TP73: variants seen among roughly 807,000 people sequenced by gnomAD.
TP73 encodes p53-like transcription factor.
Under a neutral mutation model 62.5 loss-of-function variants are expected in TP73, and 25 were observed. The observed-to-expected ratio is 0.40, with a 90% CI of 0.29 to 0.56. The LOEUF is 0.56. TP73 is among the 20% of genes least tolerant of loss of function. The pLI, the probability that TP73 is intolerant of heterozygous loss-of-function variation, is 0.46. For missense variants in TP73, 754 were observed against 913.3 expected, an observed-to-expected ratio of 0.83 and a Z score of 2.25; for synonymous variants, 423 against 377.5, an observed-to-expected ratio of 1.12 and a Z score of -1.40.
chr1:3,708,004 G>T, intron 4 of TP73: 1 of 729,872 alleles, frequency 1.4e-6, no homozygotes, highest in Non-Finnish European at 2.2e-6. Context: ...AGTGGCCAGA[G>T]CCAGTCAGCC....
At chr1:3,722,539 CA>C (rs1233342072) in intron 5 of TP73, among the ~76,000 whole-genome samples, 3 of 152,220 alleles carry the variant, frequency 2.0e-5, no homozygotes, top group Admixed American at 6.5e-5. Flanking sequence ...GCAGGAGAAT[CA>C]GGGGGCAGAG....
At chr1:3,683,202 T>G (rs753365526) in intron 3 of TP73, 22 bp downstream of exon 3, 2 of 1,591,886 alleles carry the variant, frequency 1.3e-6, no homozygotes, top group Non-Finnish European at 1.7e-6. Context: ...GGCTGCCCTC[T>G]GCAAGAGGAC....
intron 1 of TP73, among the ~76,000 whole-genome samples, chr1:3,668,148 G>A (rs1645161940): frequency 6.6e-6 from 1 of 152,216 alleles, no homozygotes; most frequent in African/African-American, 2.4e-5. Flanking sequence ...ATGAACTAGG[G>A]GTGGGGGAGG....
At position 3,663,595 on chromosome 1, in the gene TP73, A is replaced by G. The variant is rs1645044859; in HGVS notation, c.-34+10954A>G. Among the ~76,000 whole-genome samples the G allele has an allele frequency of 6.6e-6, 1 of 151,970 alleles. No individual in the cohort carries two copies. Among genetic ancestry groups the G allele is most frequent in the Non-Finnish European group, 1.5e-5 (1 of 67,980 alleles). On this transcript the variant is annotated intron_variant, in intron 1 of 13. Transcript: ENST00000378295. The surrounding 1 kb of genome is among the most constrained non-coding windows in gnomAD (Gnocchi z 4.7). Reference sequence around the variant, plus strand: ...GCCAGGCGTGGTGGCGGGCGCCTGTAGTCCCAGCTACTCGGGAGGCTGAGG... The same window carrying G: ...GCCAGGCGTGGTGGCGGGCGCCTGTGGTCCCAGCTACTCGGGAGGCTGAGG...
intron 12 of TP73, 125 bp downstream of exon 12, chr1:3,731,190 G>A (rs953002680): frequency 2.2e-6 from 3 of 1,345,474 alleles, no homozygotes; most frequent in Non-Finnish European, 3.0e-6. Context: ...GGATCAGACA[G>A]GCGGGCGGGG....
chr1:3,729,264 C>T (rs768619352), intron 9 of TP73, 63 bp from the exon 10 acceptor site: 62 of 1,602,032 alleles, frequency 3.9e-5, no homozygotes, highest in African/African-American at 1.5e-4. Context: ...CCTGAGGCTG[C>T]GGCCACCCCC....
chr1:3,653,709 G>C (rs2101986919), intron 1 of TP73, among the ~76,000 whole-genome samples: 1 of 152,332 alleles, frequency 6.6e-6, no homozygotes, highest in South Asian at 2.1e-4. Flanking sequence ...TTAGCTCTGG[G>C]GGAGGAGTAA....
chr1:3,667,071 G>T (rs1443033088), intron 1 of TP73, among the ~76,000 whole-genome samples: 1 of 152,202 alleles, frequency 6.6e-6, no homozygotes, highest in Non-Finnish European at 1.5e-5. Context: ...GGAGGCAGAG[G>T]TTGGAGGGAT....
intron 1 of TP73, among the ~76,000 whole-genome samples, chr1:3,664,253 G>A (rs1311316682): frequency 6.6e-6 from 1 of 152,214 alleles, no homozygotes; most frequent in Non-Finnish European, 1.5e-5. Flanking sequence ...CCCTACCAGA[G>A]GCGCTGCATT....
chr1:3,724,343 C>T (rs1398353226), intron 6 of TP73, among the ~76,000 whole-genome samples: 2 of 151,856 alleles, frequency 1.3e-5, no homozygotes, highest in Non-Finnish European at 1.5e-5. Flanking sequence ...CTGTACCCAG[C>T]CCCAGCCTCC....
chr1:3,665,511 T>C (rs1267628450), intron 1 of TP73, among the ~76,000 whole-genome samples: 2 of 152,198 alleles, frequency 1.3e-5, no homozygotes, highest in Non-Finnish European at 2.9e-5. Flanking sequence ...GAGTCTACTC[T>C]TGACGATGAA....
intron 3 of TP73, among the ~76,000 whole-genome samples, chr1:3,685,040 C>T (rs1056892880): frequency 4.6e-5 from 7 of 152,110 alleles, no homozygotes; most frequent in Non-Finnish European, 8.8e-5. Context: ...AGGAACTGGC[C>T]GCTGGACCCC....
Position 3,727,552 on chromosome 1 carries a change from G to A in TP73, c.843-76G>A, listed in dbSNP as rs542033019. 4.0e-5 allele frequency: 61 copies of A among 1,543,258 alleles called. 1 individual carries two copies. The highest frequency in any genetic ancestry group is 1.8e-4 in the Admixed American group (9 of 51,304). ...TCTCAAGGCCGGTCCTGCAGGGTCCGAGGTGGGTGGGGAAGGTGGGCAGGT... is the reference window on the plus strand; with the variant it reads ...TCTCAAGGCCGGTCCTGCAGGGTCCAAGGTGGGTGGGGAAGGTGGGCAGGT... On this transcript the variant is annotated intron_variant, in intron 7 of 13. Coordinates refer to ENST00000378295, the MANE Select transcript of TP73 (RefSeq NM_005427.4).
At chr1:3,728,005 C>A in intron 8 of TP73, 124 bp from the exon 9 acceptor site, 1 of 1,218,868 alleles carries the variant, frequency 8.2e-7, no homozygotes, top group Non-Finnish European at 1.1e-6. Context: ...GTGGGTTGCT[C>A]ACCACCGGAC....
chr1:3,702,556 G>C (rs1199648557), intron 3 of TP73, among the ~76,000 whole-genome samples: 1 of 152,198 alleles, frequency 6.6e-6, no homozygotes, highest in Non-Finnish European at 1.5e-5. Flanking sequence ...GCAGGGAGGA[G>C]AGATGAGGCC....
chr1:3,690,537 G>C, intron 3 of TP73: 1 of 930,932 alleles, frequency 1.1e-6, no homozygotes, highest in African/African-American at 1.7e-5. Context: ...TGGAGCCGGC[G>C]CTGACCGGCG....
Position 3,730,122 on chromosome 1 carries a change from C to A in TP73, c.1319C>A (p.Ala440Glu). ...LVGQPPPHSS[A>E]ATPNLGPVGP... ...GGCCAGCCTCCCCCGCACAGTTCGG[C>A]AGCTACACCCAACCTGGGGCCCGTG... The change falls in exon 11 of 14, where the codon GCA becomes GAA. Residue 440 changes from alanine to glutamate, a missense_variant. This residue lies in a region of TP73 where 458 missense variants were observed against 528.7 expected (regional missense o/e 0.87). Transcript: ENST00000378295. 6.4e-7 allele frequency: 1 copy of A among 1,565,946 alleles called. No individual in the cohort carries two copies. The highest frequency in any genetic ancestry group is 8.7e-7 in the Non-Finnish European group (1 of 1,155,142).
intron 6 of TP73, 48 bp from the exon 7 acceptor site, chr1:3,727,067 G>C: frequency 6.5e-7 from 1 of 1,542,632 alleles, no homozygotes; most frequent in Non-Finnish European, 8.9e-7. Context: ...TTAGTGGATT[G>C]GGGCTGCGTG....
chr1:3,731,098 T>G, intron 12 of TP73, 33 bp downstream of exon 12: 1 of 1,598,308 alleles, frequency 6.3e-7, no homozygotes. Context: ...GAGCATGTGC[T>G]GTCACCCTGT....
Sources: allele counts gnomAD v4.1 joint callset (sites outside exome capture counted in the v4.1 genomes callset), GRCh38; gene constraint gnomAD v4.1.1; regional missense constraint gnomAD v4.1.1; non-coding constraint Gnocchi (gnomAD v3.1); transcripts MANE v1.5; gene names NCBI Gene and HGNC (gene_info 2026-07-23, HGNC 2026-07-21).